TBC1D2: variants seen among roughly 807,000 people sequenced by gnomAD.
TBC1D2 encodes the protein TBC1 domain family member 2.
A neutral mutation model predicts 91.1 loss-of-function variants in TBC1D2; 58 were observed. That is an observed-to-expected ratio of 0.64 (90% CI 0.52 to 0.79). The LOEUF (loss-of-function observed/expected upper bound fraction) is 0.79, where lower values mean the gene tolerates loss of function less well. Among genes scored for constraint, TBC1D2 ranks in the 30% least tolerant of loss-of-function variants. The pLI is 0.00. For synonymous variants in TBC1D2, 482 were observed against 511.5 expected, an observed-to-expected ratio of 0.94 and a Z score of 0.78; for missense variants, 1,080 against 1,208.3, an observed-to-expected ratio of 0.89 and a Z score of 1.57.
rs76731515 is a variant in TBC1D2, at chr9:98,244,057, G to C, written c.584C>G (p.Ala195Gly). Residue 195 changes from alanine to glycine, a missense_variant, in exon 3 of 13, where the codon GCT becomes GGT. By Grantham distance (60) the Ala-to-Gly change is moderately conservative. Coordinates refer to ENST00000465784, the MANE Select transcript of TBC1D2 (RefSeq NM_001267571.2). Reference protein sequence around the residue: ...KTPPGLVGVAAALQPFPALQN... With the variant: ...KTPPGLVGVAGALQPFPALQN... ...AAGGGCAGGGAAGGGCTGCAAGGCAGCTGCCACGCCCACTAGCCCAGGGGG... is the reference window on the plus strand; with the variant it reads ...AAGGGCAGGGAAGGGCTGCAAGGCACCTGCCACGCCCACTAGCCCAGGGGG... The C allele has an allele frequency of 6.2e-7, 1 of 1,612,216 alleles. No homozygotes were observed. The highest frequency in any genetic ancestry group is 1.3e-5 in the African/African-American group (1 of 74,930).
intron 2 of TBC1D2, among the ~76,000 whole-genome samples, chr9:98,250,494 T>C (rs1352835832): frequency 6.6e-6 from 1 of 151,886 alleles, no homozygotes; most frequent in Non-Finnish European, 1.5e-5. Context: ...GATGTATGGG[T>C]CAGAGGGCAA....
chr9:98,240,799 A>C (rs773180088), intron 3 of TBC1D2, among the ~76,000 whole-genome samples: 1 of 152,138 alleles, frequency 6.6e-6, no homozygotes, highest in Non-Finnish European at 1.5e-5. Context: ...TACCTTCTGA[A>C]ATGGTCCGGC....
chr9:98,210,699 C>T lies in TBC1D2; in HGVS notation c.1630G>A (p.Ala544Thr). ...QLVQEALQWE[A>T]GEASSDSIEL... is the part of the protein sequence containing the mutation. ...ATGCTGTCAGATGAGGCCTCCCCAG[C>T]TTCCCACTGCAGTGCCTCCTGGACA... is the stretch of plus-strand genomic sequence containing the variant. The change falls in exon 8 of 13, where the codon GCT (alanine) becomes ACT (threonine). Residue 544 changes from alanine to threonine, a missense_variant. Physicochemically the swap from Ala to Thr is moderately conservative, Grantham distance 58. Coordinates refer to ENST00000465784, the MANE Select transcript of TBC1D2 (RefSeq NM_001267571.2). 6.2e-7 allele frequency: 1 copy of T among 1,603,160 alleles called. No individual in the cohort carries two copies. Among genetic ancestry groups the T allele is most frequent in the Non-Finnish European group, 8.5e-7 (1 of 1,174,914 alleles).
At chr9:98,217,702 T>C (rs1829002927) in intron 6 of TBC1D2, among the ~76,000 whole-genome samples, 3 of 152,170 alleles carry the variant, frequency 2.0e-5, no homozygotes, top group Non-Finnish European at 4.4e-5. Flanking sequence ...TACATGCAAC[T>C]CTTTCTCTTT....
chr9:98,207,300 TA>T (rs922445659), intron 9 of TBC1D2, among the ~76,000 whole-genome samples: 1 of 152,018 alleles, frequency 6.6e-6, no homozygotes, highest in South Asian at 2.1e-4. Flanking sequence ...CCACCTATTC[TA>T]AAAAAAAGCA....
At chr9:98,201,691 T>A (rs774979152) in intron 10 of TBC1D2, 27 bp from the exon 11 acceptor site, 3 of 1,597,378 alleles carry the variant, frequency 1.9e-6, no homozygotes, top group Non-Finnish European at 2.6e-6. Flanking sequence ...GGGCCTGTCA[T>A]CTGCAGCCCC....
At chr9:98,248,415 CT>C (rs1486794648) in intron 2 of TBC1D2, among the ~76,000 whole-genome samples, 1 of 152,204 alleles carries the variant, frequency 6.6e-6, no homozygotes, top group Non-Finnish European at 1.5e-5. Flanking sequence ...TGTAATTCTC[CT>C]TTTACGTGAG....
chr9:98,233,472 T>C lies in TBC1D2; in HGVS notation c.725A>G (p.Gln242Arg). Reference protein sequence around the residue: ...GHEPPGEDSPQSGEPQREEQP... With the variant: ...GHEPPGEDSPRSGEPQREEQP... ...CTCCTCCCTCTGAGGCTCCCCACTC[T>C]GTGGAGAATCTTCCCCTGGAGGTTC... The change falls in exon 4 of 13, where the codon CAG becomes CGG. Residue 242 changes from glutamine (Q) to arginine (R), a missense_variant. Physicochemically the swap from Gln to Arg is conservative, Grantham distance 43 (BLOSUM62 1). Coordinates refer to ENST00000465784, the MANE Select transcript of TBC1D2 (RefSeq NM_001267571.2). The C allele has an allele frequency of 6.2e-7, 1 of 1,614,130 alleles. No individual in the cohort carries two copies. Among genetic ancestry groups the C allele is most frequent in the Non-Finnish European group, 8.5e-7 (1 of 1,179,954 alleles).
chr9:98,210,701 TC>T lies in TBC1D2; in HGVS notation c.1627del (p.Glu543LysfsTer12). 1 of 1,603,222 alleles carries T rather than the reference TC, an allele frequency of 6.2e-7. No individual in the cohort carries two copies. The highest frequency in any genetic ancestry group is 8.5e-7 in the Non-Finnish European group (1 of 1,174,960). ...GCTGTCAGATGAGGCCTCCCCAGCT[TC>T]CCACTGCAGTGCCTCCTGGACAAGC... ...RQLVQEALQW[E>X]AGEASSDSIE... On this transcript the variant is annotated frameshift_variant, in exon 8 of 13. Transcript: ENST00000465784. LOFTEE classifies it high-confidence loss of function.
chr9:98,199,073 A>C lies in TBC1D2; in HGVS notation c.*308T>G. The C allele has an allele frequency of 1.9e-6, 1 of 533,730 alleles. No individual in the cohort carries two copies. The highest frequency in any genetic ancestry group is 3.4e-6 in the Non-Finnish European group (1 of 296,306). 33.1% of individuals were successfully genotyped at this position (533,730 alleles called of 1,614,324 possible). On this transcript the variant is annotated 3_prime_UTR_variant, in exon 13 of 13. Coordinates refer to ENST00000465784, the MANE Select transcript of TBC1D2 (RefSeq NM_001267571.2). ...ACATTGTTTTATATTGATATAACCT[A>C]GAGAATGTTCCAGGTTACCCTATAG...
At chr9:98,252,791 G>C (rs894035710) in intron 1 of TBC1D2, among the ~76,000 whole-genome samples, 1 of 152,168 alleles carries the variant, frequency 6.6e-6, no homozygotes, top group Non-Finnish European at 1.5e-5. Flanking sequence ...CAGCTCACCG[G>C]GCGTGGATGG....
At chr9:98,244,278 G>A in intron 2 of TBC1D2, 149 bp from the exon 3 acceptor site, 1 of 1,017,138 alleles carries the variant, frequency 9.8e-7, no homozygotes, top group Admixed American at 2.8e-5. Context: ...TAGGTTAACA[G>A]CAGCAAAATA....
At position 98,199,231 on chromosome 9, in the gene TBC1D2, T is replaced by G; in HGVS notation, c.*150A>C. On this transcript the variant is annotated 3_prime_UTR_variant, in exon 13 of 13. Transcript: ENST00000465784. ...GGCTTTGCAGCACACAATGTCCCAG[T>G]GGGGAAACTGAGGGCCAGAGAGGGG... 1 of 831,468 alleles carries G rather than the reference T, an allele frequency of 1.2e-6. No homozygotes were observed. Among genetic ancestry groups the G allele is most frequent in the Non-Finnish European group, 1.9e-6 (1 of 526,528 alleles). The allele number at this position is 831,468 out of a possible 1,614,324, so 51.5% of individuals were successfully genotyped here.
rs761820400 is a variant in TBC1D2 at position 98,208,950 on chromosome 9, C to G, written c.1868G>C (p.Arg623Pro). ...CCGGTGTTCACGGGGTACTCCTGCC[C>G]GCAGTAGCTGCTTGAGCTCGGCTGA... ...VPSAELKQLLRAGVPREHRPR... is the reference protein window; with the variant it reads ...VPSAELKQLLPAGVPREHRPR... Residue 623 changes from arginine to proline, a missense_variant, in exon 9 of 13, where the codon CGG (arginine) becomes CCG (proline). Transcript: ENST00000465784. 50 of 1,613,968 alleles carry G rather than the reference C, an allele frequency of 3.1e-5. No individual in the cohort carries two copies. Among genetic ancestry groups the G allele is most frequent in the Non-Finnish European group, 3.8e-5 (45 of 1,180,010 alleles).
At chr9:98,254,553 C>T (rs562700957) in intron 1 of TBC1D2, among the ~76,000 whole-genome samples, 1 of 152,336 alleles carries the variant, frequency 6.6e-6, no homozygotes, top group South Asian at 2.1e-4. Context: ...TGTGGCCTTT[C>T]TACTGCTTTA....
rs765880704 is a variant in TBC1D2 at position 98,255,460 on chromosome 9, G to T, written c.82C>A (p.Pro28Thr). 6.3e-7 allele frequency: 1 copy of T among 1,595,266 alleles called. No individual in the cohort carries two copies. ...TCCCCCGATTCTTCCTCCGGAGGCGGCACCTGTGGATCCCTGGCAGACTCT... is the reference window on the plus strand; with the variant it reads ...TCCCCCGATTCTTCCTCCGGAGGCGTCACCTGTGGATCCCTGGCAGACTCT... The part of the protein sequence containing the change: ...SEESARDPQV[P>T]PPEEESGDCA... The change falls in exon 1 of 13, where the codon CCG becomes ACG. Residue 28 changes from proline to threonine, a missense_variant. By Grantham distance (38) the Pro-to-Thr change is conservative (BLOSUM62 -1). Transcript: ENST00000465784.
chr9:98,199,558 C>G lies in TBC1D2; in HGVS notation c.2610G>C (p.Met870Ile), dbSNP rs765997801. ...RKLMNIAFND[M>I]NPFRMKQLRQ... ...GCAGCTGTTTCATGCGGAAGGGGTT[C>G]ATGTCATTGAAGGCGATGTTCATCA... The change falls in exon 13 of 13, where the codon ATG becomes ATC. Residue 870 changes from methionine to isoleucine, a missense_variant. Physicochemically the swap from Met to Ile is conservative, Grantham distance 10. Transcript: ENST00000465784. 6.2e-7 allele frequency: 1 copy of G among 1,614,096 alleles called. No homozygotes were observed. The highest frequency in any genetic ancestry group is 8.5e-7 in the Non-Finnish European group (1 of 1,180,046).
At chr9:98,203,211 G>C in intron 10 of TBC1D2, 77 bp downstream of exon 10, 1 of 1,567,486 alleles carries the variant, frequency 6.4e-7, no homozygotes, top group Non-Finnish European at 8.7e-7. Context: ...CAACTTTCCT[G>C]AGAGTCACAG....
At chr9:98,204,390 C>T (rs1405108233) in intron 9 of TBC1D2, among the ~76,000 whole-genome samples, 3 of 152,192 alleles carry the variant, frequency 2.0e-5, no homozygotes, top group Admixed American at 6.5e-5. Flanking sequence ...CAGGGTCGCC[C>T]AGGGGGTCCA....
Sources: gnomAD v4.1 joint callset for allele counts (sites outside exome capture counted in the v4.1 genomes callset) on GRCh38, gnomAD v4.1.1 for gene constraint, MANE v1.5 for transcripts, NCBI Gene and HGNC (gene_info 2026-07-23, HGNC 2026-07-21) for gene names.